The following CTNNA3 variants were observed in gnomAD, a reference collection of about 807,000 sequenced individuals.
CTNNA3 encodes the protein catenin alpha 3.
CTNNA3 carries 76 observed loss-of-function variants against 95.7 expected under a neutral mutation model. That is an observed-to-expected ratio of 0.79 (90% CI 0.66 to 0.96). The LOEUF (loss-of-function observed/expected upper bound fraction) is 0.96, where lower values mean the gene tolerates loss of function less well. CTNNA3 is among the 40% of genes least tolerant of loss of function. The probability of loss-of-function intolerance (pLI) is 0.00; values close to 1 mark genes in which losing one functional copy is unlikely to be tolerated. For missense variants in CTNNA3, 1,191 were observed against 1,089.8 expected, an observed-to-expected ratio of 1.09 and a Z score of -1.31; for synonymous variants, 431 against 374.4, an observed-to-expected ratio of 1.15 and a Z score of -1.74.
At chr10:66,999,115 T>A (rs142003979) in intron 7 of CTNNA3, among the ~76,000 whole-genome samples, 4 of 152,228 alleles carry the variant, frequency 2.6e-5, no homozygotes, top group African/African-American at 9.6e-5. Context: ...AAAACCCTCA[T>A]ATTTCAAAAT....
At chr10:67,144,187 G>T (rs1030476913) in intron 7 of CTNNA3, among the ~76,000 whole-genome samples, 1 of 152,160 alleles carries the variant, frequency 6.6e-6, no homozygotes, top group African/African-American at 2.4e-5. Context: ...AGGTTTCAAC[G>T]TTGGGTTTAA....
chr10:66,282,035 A>G (rs2091501925), intron 12 of CTNNA3, among the ~76,000 whole-genome samples: 1 of 151,852 alleles, frequency 6.6e-6, no homozygotes. Flanking sequence ...TCCCATTTCA[A>G]CTGCTTAACA....
intron 15 of CTNNA3, among the ~76,000 whole-genome samples, chr10:66,045,220 T>TA (rs1443304466): frequency 6.6e-6 from 1 of 152,196 alleles, no homozygotes; most frequent in African/African-American, 2.4e-5. Context: ...GCATCCTATT[T>TA]ACTCTGAACC....
chr10:67,490,969 AG>A (rs1307847603), intron 5 of CTNNA3, among the ~76,000 whole-genome samples: 4 of 152,204 alleles, frequency 2.6e-5, no homozygotes, highest in Admixed American at 1.3e-4. Flanking sequence ...AGTTCTAACC[AG>A]GGATCTTGTA....
rs370632208 is a variant in CTNNA3, at chr10:66,188,782, T to A, written c.1885-85533A>T. 2.7e-4 allele frequency among the ~76,000 whole-genome samples: 41 copies of A among 152,208 alleles called. No individual in the cohort carries two copies. The South Asian group carries it at 8.1e-3, about 30-fold the overall frequency. On this transcript the variant is annotated intron_variant, in intron 13 of 17. Coordinates refer to ENST00000433211, the MANE Select transcript of CTNNA3 (RefSeq NM_013266.4). ...TGCTCGGTCATATTGTAGTTCTATT[T>A]TTAGTTTCTTAAGGAACAGCTATAC...
At chr10:67,759,965 C>T (rs1841454113) in intron 1 of CTNNA3, among the ~76,000 whole-genome samples, 1 of 152,190 alleles carries the variant, frequency 6.6e-6, no homozygotes, top group Non-Finnish European at 1.5e-5. Flanking sequence ...CCAGTCAACA[C>T]ATAACCACAT....
chr10:67,589,976 T>TA (rs1010248003), intron 3 of CTNNA3, among the ~76,000 whole-genome samples: 3 of 152,108 alleles, frequency 2.0e-5, no homozygotes, highest in Admixed American at 6.6e-5. Flanking sequence ...CTCATGATGC[T>TA]AAAAAAATCT....
At chr10:66,628,450 C>T (rs948503587) in intron 9 of CTNNA3, among the ~76,000 whole-genome samples, 1 of 152,032 alleles carries the variant, frequency 6.6e-6, no homozygotes, top group Non-Finnish European at 1.5e-5. Context: ...AACTTAACTG[C>T]CCCGAGTGGA....
intron 5 of CTNNA3, among the ~76,000 whole-genome samples, chr10:67,272,160 T>C (rs1459691290): frequency 3.9e-5 from 6 of 152,176 alleles, no homozygotes; most frequent in Admixed American, 3.9e-4. Flanking sequence ...TTAACTATTC[T>C]ATAATTCTGA....
chr10:66,955,161 T>C (rs1848722469), intron 7 of CTNNA3, among the ~76,000 whole-genome samples: 2 of 152,170 alleles, frequency 1.3e-5, no homozygotes, highest in South Asian at 4.1e-4. Flanking sequence ...TTTCTAATCT[T>C]ACTCTGAGTA....
chr10:65,926,790 A>AT (rs144566235), intron 17 of CTNNA3, among the ~76,000 whole-genome samples: 6 of 151,622 alleles, frequency 4.0e-5, no homozygotes, highest in East Asian at 1.9e-4. Context: ...CTTCATCTAC[A>AT]TTTTTTTTCC....
chr10:66,766,171 A>G, intron 9 of CTNNA3, 93 bp downstream of exon 9: 1 of 1,344,930 alleles, frequency 7.4e-7, no homozygotes, highest in South Asian at 1.3e-5. Flanking sequence ...ACACGGTGTC[A>G]AAAGTTTTTA....
intron 9 of CTNNA3, among the ~76,000 whole-genome samples, chr10:66,721,574 G>A (rs1284203137): frequency 1.3e-5 from 2 of 152,134 alleles, no homozygotes; most frequent in African/African-American, 4.8e-5. Flanking sequence ...GTGATAACCA[G>A]GCAAACCAGA....
At position 67,206,660 on chromosome 10, in the gene CTNNA3, C is replaced by CA. The variant is rs201288764; in HGVS notation, c.843+12946dup. Among the ~76,000 whole-genome samples the CA allele has an allele frequency of 9.5e-3, 1,313 of 137,842 alleles. 20 individuals carry two copies. Among genetic ancestry groups the CA allele is most frequent in the African/African-American group, 0.03 (1,143 of 37,826 alleles). The allele number at this position is 137,842 out of a possible 152,430, so 90.4% of individuals were successfully genotyped here. A position where few individuals can be genotyped will look rare whatever the true frequency, so the allele number is the denominator to read the frequency against. On this transcript the variant is annotated intron_variant, in intron 6 of 17. Transcript: ENST00000433211. ...TTCCACTTAGGGAAGAAAAGACCTT[C>CA]AAAAAAAAAAAAATTAAGAGTTTCC...
chr10:66,688,891 G>A (rs572966421), intron 9 of CTNNA3, among the ~76,000 whole-genome samples: 101 of 151,324 alleles, frequency 6.7e-4, no homozygotes, highest in Middle Eastern at 3.4e-3. Flanking sequence ...GGAGAATGGC[G>A]TGAACCTGGG....
At chr10:67,028,634 A>G (rs1853534488) in intron 7 of CTNNA3, among the ~76,000 whole-genome samples, 1 of 139,762 alleles carries the variant, frequency 7.2e-6, no homozygotes, top group Admixed American at 7.9e-5. Context: ...CTGATACAAC[A>G]AGCTAGTTCT....
intron 1 of CTNNA3, among the ~76,000 whole-genome samples, chr10:67,712,563 C>A (rs940896570): frequency 1.3e-5 from 2 of 152,204 alleles, no homozygotes; most frequent in Non-Finnish European, 2.9e-5. Flanking sequence ...ATATAGAGGT[C>A]CGGCCATGGC....
intron 5 of CTNNA3, among the ~76,000 whole-genome samples, chr10:67,262,594 A>G (rs1377778165): frequency 6.6e-6 from 1 of 152,200 alleles, no homozygotes; most frequent in Non-Finnish European, 1.5e-5. Flanking sequence ...GTATTTTCAC[A>G]AATCATAAAA....
chr10:66,715,106 A>C (rs1848410662), intron 9 of CTNNA3, among the ~76,000 whole-genome samples: 1 of 152,116 alleles, frequency 6.6e-6, no homozygotes. Context: ...GATCAAGCTC[A>C]AATGTCCCCT....
Sources: gnomAD v4.1 joint callset for allele counts (sites outside exome capture counted in the v4.1 genomes callset) on GRCh38, gnomAD v4.1.1 for gene constraint, MANE v1.5 for transcripts, NCBI Gene and HGNC (gene_info 2026-07-23, HGNC 2026-07-21) for gene names.